Variants in ATF7 observed in about 807,000 individuals in gnomAD.
ATF7 encodes the protein activating transcription factor 7, also known as cyclic AMP-dependent transcription factor ATF-7.
ATF7 carries 10 observed loss-of-function variants against 50.4 expected under a neutral mutation model. The observed-to-expected ratio is 0.20, with a 90% CI of 0.12 to 0.34. The LOEUF (loss-of-function observed/expected upper bound fraction) is 0.34. ATF7 is among the 10% of genes least tolerant of loss of function. ATF7 has a pLI of 1.00. For missense variants in ATF7, 465 were observed against 613.9 expected (o/e 0.76, Z 2.56); for synonymous variants, 201 against 226.4 (o/e 0.89, Z 1.01).
chr12:53,552,760 G>A (rs1940461607), intron 2 of ATF7, 123 bp from the exon 3 acceptor site: 8 of 736,220 alleles, frequency 1.1e-5, no homozygotes, highest in Non-Finnish European at 1.6e-5. Context: ...GAACTGGAGA[G>A]GGAGAAAAAA....
chr12:53,523,084 CA>C (rs1938221299), intron 11 of ATF7, 191 bp downstream of exon 11: 6 of 525,692 alleles, frequency 1.1e-5, no homozygotes, highest in Non-Finnish European at 1.4e-5. Flanking sequence ...CCAACTATAA[CA>C]GATAATTAGC....
chr12:53,579,252 G>A (rs1014187299), intron 2 of ATF7, among the ~76,000 whole-genome samples: 1 of 148,854 alleles, frequency 6.7e-6, no homozygotes, highest in African/African-American at 2.5e-5. Flanking sequence ...TTAAAAAAAA[G>A]GGCCGGGTGC....
rs1298379846 is a variant in ATF7 at position 53,529,734 on chromosome 12, C to CACACACACACACATATAT, written c.927+2009_927+2010insATATATGTGTGTGTGTGT. Among the ~76,000 whole-genome samples the CACACACACACACATATAT allele has an allele frequency of 7.0e-5, 10 of 143,556 alleles. 1 individual carries two copies. The highest frequency in any genetic ancestry group is 2.2e-4 in the South Asian group (1 of 4,556). 94.2% of individuals were successfully genotyped at this position (143,556 alleles called of 152,430 possible). On this transcript the variant is annotated intron_variant, in intron 9 of 11. Coordinates refer to ENST00000420353, the MANE Select transcript of ATF7 (RefSeq NM_006856.3). ...ATACACACACACACACACACACACA[C>CACACACACACACATATAT]ATATATATATGTTTTTTTTTTTTTG... is the stretch of plus-strand genomic sequence containing the variant.
intron 3 of ATF7, among the ~76,000 whole-genome samples, chr12:53,548,570 T>C (rs886087060): frequency 1.3e-5 from 2 of 152,126 alleles, no homozygotes; most frequent in African/African-American, 4.8e-5. Flanking sequence ...TGGGCTCAAG[T>C]GATCCTCCTA....
chr12:53,622,323 A>G (rs1356967433), intron 1 of ATF7, among the ~76,000 whole-genome samples: 2 of 150,508 alleles, frequency 1.3e-5, no homozygotes, highest in Non-Finnish European at 3.0e-5. Flanking sequence ...TAATAATAAT[A>G]ATAATAGAAA....
At position 53,524,028 on chromosome 12, in the gene ATF7, T is replaced by A. The variant is rs1432518242; in HGVS notation, c.1125+536A>T. Reference sequence around the variant, plus strand: ...GAGAACGGGACTAGAAAAGGCAGATTAAAGAGGGACTTTGTTTCTATTCTG... The same window carrying A: ...GAGAACGGGACTAGAAAAGGCAGATAAAAGAGGGACTTTGTTTCTATTCTG... On this transcript the variant is annotated intron_variant, in intron 10 of 11. Transcript: ENST00000420353. The surrounding 1 kb of genome is among the most constrained non-coding windows in gnomAD (Gnocchi z 4.6). Among the ~76,000 whole-genome samples, 1 of 152,228 alleles carries A rather than the reference T, an allele frequency of 6.6e-6. No individual in the cohort carries two copies. The highest frequency in any genetic ancestry group is 1.5e-5 in the Non-Finnish European group (1 of 68,034).
At chr12:53,546,977 CTT>C (rs565759569) in intron 3 of ATF7, among the ~76,000 whole-genome samples, 115 of 116,452 alleles carry the variant, frequency 9.9e-4, no homozygotes, top group Non-Finnish European at 1.6e-3. Context: ...CAGGCTGGCT[CTT>C]TTTTTTTTTT....
intron 3 of ATF7, among the ~76,000 whole-genome samples, chr12:53,549,083 G>A (rs1940140516): frequency 6.6e-6 from 1 of 151,944 alleles, no homozygotes; most frequent in African/African-American, 2.4e-5. Context: ...TCAGGAGATC[G>A]AGACCATCCT....
rs777798306 is a variant in ATF7, at chr12:53,513,629, G to A, written c.*3508C>T. Reference sequence around the variant, plus strand: ...TGTATTTCCTTCCTGTGTATATAATGTACAATATTAATGAAAAATTAATGA... The same window carrying A: ...TGTATTTCCTTCCTGTGTATATAATATACAATATTAATGAAAAATTAATGA... On this transcript the variant is annotated 3_prime_UTR_variant, in exon 12 of 12. Coordinates refer to ENST00000420353, the MANE Select transcript of ATF7 (RefSeq NM_006856.3). 6.6e-6 allele frequency: 1 copy of A among 152,150 alleles called. No individual in the cohort carries two copies. The allele number at this position is 152,150 out of a possible 1,614,324, so 9.4% of individuals were successfully genotyped here. A position where few individuals can be genotyped will look rare whatever the true frequency, so the allele number is the denominator to read the frequency against.
In ATF7 at chr12:53,515,497, A is replaced by C. The variant is rs1937651403; in HGVS notation, c.*1640T>G. The stretch of plus-strand genomic sequence containing the variant: ...ACGGAAAGGCAATTAAAGCTGACCT[A>C]TCTATCCACAGGCCTCTGGCTCTGA... On this transcript the variant is annotated 3_prime_UTR_variant, in exon 12 of 12. Transcript: ENST00000420353. The C allele has an allele frequency of 6.6e-6, 1 of 152,232 alleles. No individual in the cohort carries two copies. 9.4% of individuals were successfully genotyped at this position (152,232 alleles called of 1,614,324 possible).
At chr12:53,537,651 A>T in intron 4 of ATF7, 99 bp from the exon 5 acceptor site, 1 of 1,402,924 alleles carries the variant, frequency 7.1e-7, no homozygotes, top group Non-Finnish European at 9.7e-7. Context: ...TGCTTCTAAG[A>T]AGTTCTGCTC....
rs1328296782 is a variant in ATF7, at chr12:53,531,861, T to C, written c.810A>G (p.Ser270=). The stretch of plus-strand genomic sequence containing the variant: ...CCACCATTCCACAACCACCATTGAT[T>C]GAGGAGACTTGGTGAGTTAGGGTGG... ...LKATLTHQVS[S]INGGCGMVVG... is the part of the protein sequence containing the mutation. The change falls in exon 9 of 12, where the codon TCA becomes TCG. Residue 270 remains serine, a synonymous_variant. Coordinates refer to ENST00000420353, the MANE Select transcript of ATF7 (RefSeq NM_006856.3). 6.2e-7 allele frequency: 1 copy of C among 1,613,528 alleles called. No homozygotes were observed. Among genetic ancestry groups the C allele is most frequent in the Admixed American group, 1.7e-5 (1 of 59,970 alleles).
At chr12:53,605,064 TA>T (rs1287868240) in intron 1 of ATF7, among the ~76,000 whole-genome samples, 1 of 152,052 alleles carries the variant, frequency 6.6e-6, no homozygotes, top group Non-Finnish European at 1.5e-5. Context: ...CTCCAGATTA[TA>T]AAAAAGAGGA....
intron 11 of ATF7, among the ~76,000 whole-genome samples, chr12:53,520,523 C>A (rs1938054381): frequency 6.6e-6 from 1 of 151,546 alleles, no homozygotes; most frequent in Non-Finnish European, 1.5e-5. Flanking sequence ...GTGGACCCTG[C>A]CTCCAAAAAA....
rs1163013566 is a variant in ATF7, at chr12:53,607,148, A to G, written c.-21-6127T>C. 2.6e-5 allele frequency among the ~76,000 whole-genome samples: 4 copies of G among 152,314 alleles called. No homozygotes were observed. In the South Asian group the frequency reaches 8.3e-4, roughly 32 times the overall value. On this transcript the variant is annotated intron_variant, in intron 1 of 11. Transcript: ENST00000420353. ...CTGAGGAATGGCCACACTGACTTCC[A>G]CAATGGTTGAACTAGTTTACAGTCC...
At chr12:53,601,497 T>C (rs954084032) in intron 1 of ATF7, among the ~76,000 whole-genome samples, 2 of 152,172 alleles carry the variant, frequency 1.3e-5, no homozygotes, top group African/African-American at 4.8e-5. Flanking sequence ...ACGAGACTGT[T>C]GGCAAGGGCT....
intron 2 of ATF7, among the ~76,000 whole-genome samples, chr12:53,561,996 C>A (rs911580988): frequency 2.0e-5 from 3 of 152,226 alleles, no homozygotes; most frequent in African/African-American, 7.2e-5. Flanking sequence ...GGGGACAACC[C>A]ACCAAACTGT....
At chr12:53,624,635 C>T (rs964592958) in intron 1 of ATF7, among the ~76,000 whole-genome samples, 1 of 152,222 alleles carries the variant, frequency 6.6e-6, no homozygotes, top group Non-Finnish European at 1.5e-5. Context: ...TTCGCAAGAG[C>T]CTCCACTTAC....
chr12:53,526,142 A>C (rs759691299), intron 9 of ATF7, among the ~76,000 whole-genome samples: 53 of 148,960 alleles, frequency 3.6e-4, no homozygotes, highest in Non-Finnish European at 7.1e-4. Context: ...CCTGAGGTAG[A>C]GGGTGCAGTG....
Sources: gnomAD v4.1 joint callset for allele counts (sites outside exome capture counted in the v4.1 genomes callset) on GRCh38, gnomAD v4.1.1 for gene constraint, Gnocchi (gnomAD v3.1) non-coding constraint, MANE v1.5 for transcripts, NCBI Gene and HGNC (gene_info 2026-07-23, HGNC 2026-07-21) for gene names.